Variants in CACNA2D2 observed in about 807,000 individuals in gnomAD.
The protein encoded by CACNA2D2 is calcium voltage-gated channel auxiliary subunit alpha2delta 2.
CACNA2D2 carries 48 observed loss-of-function variants against 166.4 expected under a neutral mutation model. The ratio of observed to expected loss-of-function variants is 0.29; its 90% CI spans 0.23 to 0.37. The LOEUF (loss-of-function observed/expected upper bound fraction) is 0.37. Ranked by LOEUF, CACNA2D2 falls within the 10% of genes least tolerant of loss-of-function variation. CACNA2D2 has a pLI of 1.00. For synonymous variants in CACNA2D2, 561 were observed against 573.7 expected, an observed-to-expected ratio of 0.98 and a Z score of 0.32; for missense variants, 1,122 against 1,433.0, an observed-to-expected ratio of 0.78 and a Z score of 3.50.
intron 22 of CACNA2D2, 39 bp from the exon 23 acceptor site, chr3:50,370,419 G>T: frequency 2.7e-6 from 3 of 1,107,306 alleles, no homozygotes; most frequent in South Asian, 1.3e-5. Flanking sequence ...GGGGGCTGGG[G>T]AGGCTGGAGG....
intron 1 of CACNA2D2, among the ~76,000 whole-genome samples, chr3:50,493,147 C>G (rs1698586915): frequency 6.6e-6 from 1 of 152,230 alleles, no homozygotes; most frequent in African/African-American, 2.4e-5. Context: ...ACCCTCAAGC[C>G]TCTCCTCTGA....
In CACNA2D2 at chr3:50,380,857, T is replaced by G. The variant is rs754141008; in HGVS notation, c.785-52A>C. The G allele has an allele frequency of 1.3e-6, 2 of 1,529,136 alleles. No homozygotes were observed. Among genetic ancestry groups the G allele is most frequent in the Admixed American group, 4.1e-5 (2 of 48,746 alleles). 94.7% of individuals were successfully genotyped at this position (1,529,136 alleles called of 1,614,324 possible). On this transcript the variant is annotated intron_variant, in intron 7 of 37. Coordinates refer to ENST00000424201, the MANE Select transcript of CACNA2D2 (RefSeq NM_006030.4). This position sits in a 1 kb window ranked among gnomAD's most constrained non-coding sequence, Gnocchi z 4.9. ...ACTGGCAGGAAAGGGCTGGCCTGGG[T>G]AGGCAGACCTTGCAGAGGCGACTGG...
chr3:50,363,414 T>A lies in CACNA2D2; in HGVS notation c.*1252A>T, dbSNP rs1418772645. ...CACTGGCCCCCAGGCTGGGATGCCTTTGGGGGAAATGACCAGAATGAATGG... is the reference window on the plus strand; with the variant it reads ...CACTGGCCCCCAGGCTGGGATGCCTATGGGGGAAATGACCAGAATGAATGG... On this transcript the variant is annotated 3_prime_UTR_variant, in exon 38 of 38. Coordinates refer to ENST00000424201, the MANE Select transcript of CACNA2D2 (RefSeq NM_006030.4). The A allele has an allele frequency of 1.3e-5, 5 of 396,724 alleles. No individual in the cohort carries two copies. The highest frequency in any genetic ancestry group is 4.4e-5 in the Admixed American group (1 of 22,688). The allele number at this position is 396,724 out of a possible 1,614,324, so 24.6% of individuals were successfully genotyped here. A position where few individuals can be genotyped will look rare whatever the true frequency, so the allele number is the denominator to read the frequency against.
intron 4 of CACNA2D2, among the ~76,000 whole-genome samples, chr3:50,388,432 A>G (rs1705719004): frequency 1.3e-5 from 2 of 152,186 alleles, no homozygotes; most frequent in South Asian, 4.1e-4. Context: ...GCTGCTGTCC[A>G]AGTCACCCTC....
intron 2 of CACNA2D2, among the ~76,000 whole-genome samples, chr3:50,468,820 CTT>C (rs1709942754): frequency 6.8e-6 from 1 of 146,620 alleles, no homozygotes; most frequent in African/African-American, 2.6e-5. Flanking sequence ...ATTCCATCCC[CTT>C]CTCTCTCTTT....
intron 3 of CACNA2D2, among the ~76,000 whole-genome samples, chr3:50,403,429 C>T (rs1373637529): frequency 1.3e-5 from 2 of 152,180 alleles, no homozygotes; most frequent in African/African-American, 4.8e-5. Flanking sequence ...CTCCTCAGCA[C>T]CAACTTCGCT....
chr3:50,450,008 A>G (rs927340422), intron 2 of CACNA2D2, among the ~76,000 whole-genome samples: 1 of 152,104 alleles, frequency 6.6e-6, no homozygotes, highest in Admixed American at 6.5e-5. Flanking sequence ...ATGGAGCCTG[A>G]CTCAAAGCAA....
chr3:50,499,440 G>A (rs115738163), intron 1 of CACNA2D2, among the ~76,000 whole-genome samples: 52 of 152,292 alleles, frequency 3.4e-4, no homozygotes, highest in African/African-American at 1.2e-3. Context: ...CACTAGAGGC[G>A]GCATCCTCTC....
chr3:50,368,947 C>T (rs1035964348), intron 23 of CACNA2D2, among the ~76,000 whole-genome samples: 1 of 152,214 alleles, frequency 6.6e-6, no homozygotes, highest in South Asian at 2.1e-4. Flanking sequence ...TCTCGCTCGA[C>T]CCCTCATTCA....
intron 3 of CACNA2D2, among the ~76,000 whole-genome samples, chr3:50,426,310 T>TA (rs1046851620): frequency 4.6e-5 from 7 of 152,104 alleles, no homozygotes; most frequent in Admixed American, 2.0e-4. Flanking sequence ...GTTTGCTGAA[T>TA]GACTGAGTGA....
rs1480719848 is a variant in CACNA2D2 at position 50,427,651 on chromosome 3, G to T, written c.405+6662C>A. On this transcript the variant is annotated intron_variant, in intron 3 of 37. Transcript: ENST00000424201. This position sits in a 1 kb window ranked among gnomAD's most constrained non-coding sequence, Gnocchi z 4.7. ...GTGGGAGGAGGCAGCCAATGCCACA[G>T]GATTTCCTGCCTGTCCATCTACCAT... Among the ~76,000 whole-genome samples the T allele has an allele frequency of 1.3e-5, 2 of 152,220 alleles. No homozygotes were observed. Among genetic ancestry groups the T allele is most frequent in the African/African-American group, 4.8e-5 (2 of 41,454 alleles).
At position 50,367,428 on chromosome 3, in the gene CACNA2D2, G is replaced by A. The variant is rs767188399; in HGVS notation, c.2367C>T (p.Asn789=). The A allele has an allele frequency of 6.2e-7, 1 of 1,613,772 alleles. No individual in the cohort carries two copies. The highest frequency in any genetic ancestry group is 1.3e-5 in the African/African-American group (1 of 74,916). The change falls in exon 27 of 38, where the codon AAC becomes AAT. Residue 789 remains asparagine, a synonymous_variant. Coordinates refer to ENST00000424201, the MANE Select transcript of CACNA2D2 (RefSeq NM_006030.4). The surrounding 1 kb of genome is among the most constrained non-coding windows in gnomAD (Gnocchi z 6.5). ...NASFYRRSLD[N]HGYVFKPPHQ... is the part of the protein sequence containing the mutation. ...GTGGGGGCTTGAAGACATAACCGTG[G>A]TTATCCAGGCTGCGGCGGTAGAAGC...
In CACNA2D2 at chr3:50,482,113, G is replaced by A. The variant is rs1418616609; in HGVS notation, c.207-5914C>T. Among the ~76,000 whole-genome samples the A allele has an allele frequency of 2.6e-5, 4 of 152,230 alleles. No individual in the cohort carries two copies. The South Asian group carries it at 8.3e-4, about 32-fold the overall frequency. On this transcript the variant is annotated intron_variant, in intron 1 of 37. Transcript: ENST00000424201. ...GTCTTCTGAAGGGGAAAGACAGGGT[G>A]GAGAGGCAAGCAGGCCACTCCCCCA...
chr3:50,452,629 G>A (rs571343213), intron 2 of CACNA2D2, among the ~76,000 whole-genome samples: 2 of 152,336 alleles, frequency 1.3e-5, no homozygotes, highest in East Asian at 1.9e-4. Flanking sequence ...CAATGCTTTG[G>A]AGAAAGACAA....
At chr3:50,393,805 G>A (rs1191359319) in intron 4 of CACNA2D2, among the ~76,000 whole-genome samples, 3 of 152,180 alleles carry the variant, frequency 2.0e-5, no homozygotes, top group Admixed American at 6.5e-5. Context: ...CCTCTGACCC[G>A]GGGGCTCTCC....
At chr3:50,446,183 G>A (rs1234970987) in intron 2 of CACNA2D2, among the ~76,000 whole-genome samples, 3 of 152,222 alleles carry the variant, frequency 2.0e-5, no homozygotes, top group South Asian at 2.1e-4. Context: ...CTGACTCCAG[G>A]TGTGCCACCT....
At position 50,416,847 on chromosome 3, in the gene CACNA2D2, T is replaced by C. The variant is rs1045157698; in HGVS notation, c.405+17466A>G. On this transcript the variant is annotated intron_variant, in intron 3 of 37. Coordinates refer to ENST00000424201, the MANE Select transcript of CACNA2D2 (RefSeq NM_006030.4). Reference sequence around the variant, plus strand: ...AGGGATATCACAGCTGTGATAGGGCTGCACACCAGGAGTGAAAGTGTGTGT... The same window carrying C: ...AGGGATATCACAGCTGTGATAGGGCCGCACACCAGGAGTGAAAGTGTGTGT... Among the ~76,000 whole-genome samples the C allele has an allele frequency of 7.9e-5, 12 of 152,338 alleles. No individual in the cohort carries two copies. The East Asian group carries it at 2.1e-3, about 27-fold the overall frequency.
chr3:50,497,191 A>T (rs1698758832), intron 1 of CACNA2D2, among the ~76,000 whole-genome samples: 1 of 152,186 alleles, frequency 6.6e-6, no homozygotes, highest in Non-Finnish European at 1.5e-5. Flanking sequence ...CAGGGCGTGG[A>T]GAGGAGCAGG....
chr3:50,365,312 A>AC lies in CACNA2D2; in HGVS notation c.3098+43dup. ...TCCTCCCGAGCGTCTCGCCCCGCTC[A>AC]CAGGTTCCGCCCTTGGCCTCTGGTC... On this transcript the variant is annotated intron_variant, in intron 35 of 37. Transcript: ENST00000424201. The surrounding 1 kb of genome is among the most constrained non-coding windows in gnomAD (Gnocchi z 4.5). The AC allele has an allele frequency of 6.6e-7, 1 of 1,517,950 alleles. No homozygotes were observed. Among genetic ancestry groups the AC allele is most frequent in the Non-Finnish European group, 8.8e-7 (1 of 1,130,408 alleles). The allele number at this position is 1,517,950 out of a possible 1,614,324, so 94.0% of individuals were successfully genotyped here. A position where few individuals can be genotyped will look rare whatever the true frequency, so the allele number is the denominator to read the frequency against.
Sources: gnomAD v4.1 joint callset for allele counts (sites outside exome capture counted in the v4.1 genomes callset) on GRCh38, gnomAD v4.1.1 for gene constraint, Gnocchi (gnomAD v3.1) non-coding constraint, MANE v1.5 for transcripts, NCBI Gene and HGNC (gene_info 2026-07-23, HGNC 2026-07-21) for gene names.